The following PAN3 variants were observed in gnomAD, a reference collection of about 807,000 sequenced individuals.
The protein encoded by PAN3 is poly(A) specific ribonuclease subunit PAN3, also known as PAN2-PAN3 deadenylation complex subunit PAN3.
Under a neutral mutation model 96.2 loss-of-function variants are expected in PAN3, and 19 were observed. The ratio of observed to expected loss-of-function variants is 0.20; its 90% CI spans 0.14 to 0.29. The LOEUF (loss-of-function observed/expected upper bound fraction) is 0.29. PAN3 is among the 10% of genes least tolerant of loss of function. The probability of loss-of-function intolerance (pLI) is 1.00; values close to 1 mark genes in which losing one functional copy is unlikely to be tolerated. For synonymous variants in PAN3, 433 were observed against 406.6 expected, an observed-to-expected ratio of 1.06 and a Z score of -0.78; for missense variants, 882 against 1,108.1, an observed-to-expected ratio of 0.80 and a Z score of 2.90.
intron 1 of PAN3, among the ~76,000 whole-genome samples, chr13:28,145,598 A>G (rs542491983): frequency 6.6e-6 from 1 of 151,782 alleles, no homozygotes; most frequent in African/African-American, 2.4e-5. Flanking sequence ...AAGTGCTAGG[A>G]TTATAGGCGT....
chr13:28,284,183 T>G (rs1566260553), intron 17 of PAN3, among the ~76,000 whole-genome samples: 2 of 152,200 alleles, frequency 1.3e-5, no homozygotes, highest in African/African-American at 4.8e-5. Flanking sequence ...TTTGTCAACC[T>G]TGTAGGTGAA....
At chr13:28,181,771 A>G (rs1478431348) in intron 4 of PAN3, among the ~76,000 whole-genome samples, 3 of 152,208 alleles carry the variant, frequency 2.0e-5, no homozygotes, top group African/African-American at 4.8e-5. Context: ...ACATTCGAAT[A>G]TGGAATCATT....
intron 1 of PAN3, among the ~76,000 whole-genome samples, chr13:28,147,383 A>G (rs866703374): frequency 1.3e-5 from 2 of 152,328 alleles, no homozygotes; most frequent in Middle Eastern, 3.4e-3. Context: ...CATTTTTGAC[A>G]TAACAGTACT....
chr13:28,224,166 C>T (rs886438914), intron 6 of PAN3, among the ~76,000 whole-genome samples: 8 of 152,240 alleles, frequency 5.3e-5, no homozygotes, highest in African/African-American at 1.7e-4. Flanking sequence ...CAACCGCGCC[C>T]GGCCAAAAAG....
intron 1 of PAN3, among the ~76,000 whole-genome samples, chr13:28,158,471 A>G (rs560770253): frequency 5.9e-5 from 9 of 152,344 alleles, no homozygotes; most frequent in Non-Finnish European, 1.3e-4. Context: ...CCCAGAATCT[A>G]TAAGGAACTT....
At chr13:28,177,980 G>A in intron 4 of PAN3, 45 bp downstream of exon 4, 1 of 1,522,512 alleles carries the variant, frequency 6.6e-7, no homozygotes, top group Non-Finnish European at 9.1e-7. Flanking sequence ...GAATTTAGAA[G>A]TGATGTTGGC....
chr13:28,258,338 A>G (rs935620201), intron 7 of PAN3, among the ~76,000 whole-genome samples: 2 of 152,212 alleles, frequency 1.3e-5, no homozygotes, highest in African/African-American at 4.8e-5. Flanking sequence ...AAAAAATAGA[A>G]AAGATATTTA....
intron 6 of PAN3, among the ~76,000 whole-genome samples, chr13:28,221,792 C>T (rs1881441359): frequency 6.6e-6 from 1 of 152,134 alleles, no homozygotes; most frequent in African/African-American, 2.4e-5. Flanking sequence ...AATTGAATAT[C>T]TCTGGTAGCC....
chr13:28,190,819 A>G (rs1350451168), intron 4 of PAN3, among the ~76,000 whole-genome samples: 1 of 152,190 alleles, frequency 6.6e-6, no homozygotes, highest in African/African-American at 2.4e-5. Context: ...ACACATGGGC[A>G]TTATTAATAT....
intron 18 of PAN3, among the ~76,000 whole-genome samples, chr13:28,290,864 A>C (rs1238947663): frequency 2.6e-5 from 4 of 152,218 alleles, no homozygotes; most frequent in Non-Finnish European, 5.9e-5. Context: ...AAAAATACGT[A>C]GAACCAGAAC....
intron 4 of PAN3, among the ~76,000 whole-genome samples, chr13:28,188,285 T>A (rs137908544): frequency 2.8e-3 from 428 of 152,260 alleles, no homozygotes; most frequent in African/African-American, 9.7e-3. Flanking sequence ...CCTAATGAGC[T>A]TCTTTCTGTT....
At chr13:28,209,355 T>C (rs1463627044) in intron 5 of PAN3, among the ~76,000 whole-genome samples, 1 of 152,266 alleles carries the variant, frequency 6.6e-6, no homozygotes, top group African/African-American at 2.4e-5. Context: ...TTTACACACC[T>C]GCGTGCATAC....
At chr13:28,202,136 T>G (rs1878785982) in intron 5 of PAN3, among the ~76,000 whole-genome samples, 1 of 152,130 alleles carries the variant, frequency 6.6e-6, no homozygotes, top group Non-Finnish European at 1.5e-5. Context: ...GATCATTAAT[T>G]AAAATAGAAT....
Position 28,294,293 on chromosome 13 carries a change from AAAG to A in PAN3, c.*1777_*1779del, listed in dbSNP as rs1041062235. On this transcript the variant is annotated 3_prime_UTR_variant, in exon 19 of 19. Coordinates refer to ENST00000380958, the MANE Select transcript of PAN3 (RefSeq NM_175854.8). Reference sequence around the variant, plus strand: ...CACCATAATGTTCTTTTTTATGTAAAAAGAAGAACTTGGAGACATTAACATGAA... The same window carrying A: ...CACCATAATGTTCTTTTTTATGTAAAAAGAACTTGGAGACATTAACATGAA... The A allele has an allele frequency of 1.1e-4, 17 of 152,784 alleles. No individual in the cohort carries two copies. Among genetic ancestry groups the A allele is most frequent in the African/African-American group, 3.8e-4 (16 of 41,582 alleles). 9.5% of individuals were successfully genotyped at this position (152,784 alleles called of 1,614,324 possible).
rs1298410334 is a variant in PAN3, at chr13:28,177,944, A to G, written c.690+9A>G. 6.3e-7 allele frequency: 1 copy of G among 1,594,454 alleles called. No individual in the cohort carries two copies. Among genetic ancestry groups the G allele is most frequent in the Non-Finnish European group, 8.6e-7 (1 of 1,162,696 alleles). ...TCTCTCAGAGACGAAAGGTAGGTGA[A>G]ATTGAAACTTGAATTAAACTAAATG... On this transcript the variant is annotated intron_variant, in intron 4 of 18. Transcript: ENST00000380958.
At chr13:28,258,098 G>A (rs1005598491) in intron 7 of PAN3, among the ~76,000 whole-genome samples, 6 of 152,126 alleles carry the variant, frequency 3.9e-5, no homozygotes, top group African/African-American at 7.2e-5. Context: ...GATTACAGGC[G>A]TGAGCCACCA....
intron 17 of PAN3, 66 bp downstream of exon 17, chr13:28,281,445 A>C (rs1887460695): frequency 1.4e-5 from 19 of 1,359,492 alleles, no homozygotes; most frequent in Middle Eastern, 1.9e-4. Context: ...AATAAGAATA[A>C]GTATGCCTGG....
In PAN3 at chr13:28,192,357, C is replaced by T. The variant is rs185835081; in HGVS notation, c.691-4828C>T. ...TGCTGGGATTATAGGCGTGAGCCAC[C>T]GTGCCTGGCCAATACTTTTTAAAAA... is the stretch of plus-strand genomic sequence containing the variant. On this transcript the variant is annotated intron_variant, in intron 4 of 18. Coordinates refer to ENST00000380958, the MANE Select transcript of PAN3 (RefSeq NM_175854.8). Among the ~76,000 whole-genome samples the T allele has an allele frequency of 5.1e-3, 770 of 152,184 alleles. 5 individuals carry two copies. Among genetic ancestry groups the T allele is most frequent in the African/African-American group, 0.017 (722 of 41,534 alleles).
At chr13:28,257,705 ATATT>A (rs1269344275) in intron 7 of PAN3, among the ~76,000 whole-genome samples, 4 of 140,024 alleles carry the variant, frequency 2.9e-5, no homozygotes, top group East Asian at 2.0e-4. Context: ...TATATTATAT[ATATT>A]ATATATAATT....
Sources: gnomAD v4.1 joint callset for allele counts (sites outside exome capture counted in the v4.1 genomes callset) on GRCh38, gnomAD v4.1.1 for gene constraint, MANE v1.5 for transcripts, NCBI Gene and HGNC (gene_info 2026-07-23, HGNC 2026-07-21) for gene names.